SCMH1: variants seen among roughly 807,000 people sequenced by gnomAD.
SCMH1 encodes Scm polycomb group protein homolog 1.
Under a neutral mutation model 70.8 loss-of-function variants are expected in SCMH1, and 37 were observed. The observed-to-expected ratio is 0.52, with a 90% CI of 0.40 to 0.69. The LOEUF (loss-of-function observed/expected upper bound fraction) is 0.69. Among genes scored for constraint, SCMH1 ranks in the 30% least tolerant of loss-of-function variants. SCMH1 has a pLI of 0.00. For synonymous variants in SCMH1, 292 were observed against 307.4 expected (o/e 0.95, Z 0.52); for missense variants, 607 against 827.3 (o/e 0.73, Z 3.27).
intron 5 of SCMH1, among the ~76,000 whole-genome samples, chr1:41,151,402 G>C (rs1453973871): frequency 6.6e-6 from 1 of 152,186 alleles, no homozygotes; most frequent in Non-Finnish European, 1.5e-5. Flanking sequence ...AAGGAGGCAA[G>C]GGTGTTACTT....
chr1:41,129,904 A>G (rs976250399), intron 6 of SCMH1, among the ~76,000 whole-genome samples: 2 of 152,166 alleles, frequency 1.3e-5, no homozygotes, highest in Admixed American at 6.5e-5. Context: ...CTACAGGTGC[A>G]TGATATTTTT....
chr1:41,188,832 A>G (rs74069095), intron 1 of SCMH1, among the ~76,000 whole-genome samples: 1,960 of 152,336 alleles, frequency 0.013, 41 homozygotes, highest in African/African-American at 0.045. Flanking sequence ...AGTGTTTACT[A>G]CATGCCAGAT....
chr1:41,145,590 A>G (rs1016736414), intron 5 of SCMH1, among the ~76,000 whole-genome samples: 1 of 152,152 alleles, frequency 6.6e-6, no homozygotes, highest in Non-Finnish European at 1.5e-5. Context: ...TTTCTGCAAA[A>G]AAGGCAGCTG....
chr1:41,178,884 C>T (rs1572869308), intron 2 of SCMH1, among the ~76,000 whole-genome samples: 4 of 152,194 alleles, frequency 2.6e-5, no homozygotes, highest in Admixed American at 2.0e-4. Flanking sequence ...ACCAAGCAGA[C>T]CTAACAGACA....
chr1:41,102,846 C>T (rs1455690125), intron 8 of SCMH1, among the ~76,000 whole-genome samples: 1 of 152,134 alleles, frequency 6.6e-6, no homozygotes, highest in Non-Finnish European at 1.5e-5. Flanking sequence ...GGTGAGAAAG[C>T]ACCTGCTAGT....
At position 41,204,025 on chromosome 1, in the gene SCMH1, G is replaced by T. The variant is rs574422205; in HGVS notation, c.-117-17775C>A. ...CGACCGAGCTGGTCTCAGCAATGTT[G>T]TTCAATTTTCACTAGTCTATAAGGC... On this transcript the variant is annotated intron_variant, in intron 1 of 14. Coordinates refer to ENST00000337495, the Ensembl canonical transcript of SCMH1. 5.9e-5 allele frequency among the ~76,000 whole-genome samples: 9 copies of T among 152,230 alleles called. No individual in the cohort carries two copies. In the South Asian group the frequency reaches 1.9e-3, roughly 32 times the overall value.
chr1:41,201,008 G>A (rs2148723039), intron 1 of SCMH1, among the ~76,000 whole-genome samples: 1 of 152,240 alleles, frequency 6.6e-6, no homozygotes, highest in South Asian at 2.1e-4. Context: ...GAGATCTCAA[G>A]ATCAACTTTA....
At chr1:41,066,186 G>C (rs1033139635) in intron 10 of SCMH1, among the ~76,000 whole-genome samples, 1 of 152,202 alleles carries the variant, frequency 6.6e-6, no homozygotes, top group Non-Finnish European at 1.5e-5. Context: ...TTATGGCTCA[G>C]AAAGGGTGTG....
chr1:41,182,141 T>C (rs969630317), intron 2 of SCMH1, among the ~76,000 whole-genome samples: 2 of 151,984 alleles, frequency 1.3e-5, no homozygotes, highest in Admixed American at 6.6e-5. Context: ...TAGGTGGGAA[T>C]TGAACAATGA....
intron 2 of SCMH1, among the ~76,000 whole-genome samples, chr1:41,183,173 A>C (rs531583946): frequency 1.3e-5 from 2 of 152,330 alleles, no homozygotes; most frequent in South Asian, 4.1e-4. Context: ...TATCTCTAAA[A>C]TAACCATCTC....
rs138851636 is a variant in SCMH1 at position 41,177,466 on chromosome 1, C to T, written c.13+8655G>A. Among the ~76,000 whole-genome samples, 939 of 152,094 alleles carry T rather than the reference C, an allele frequency of 6.2e-3. 6 individuals are homozygous for T. Among genetic ancestry groups the T allele is most frequent in the African/African-American group, 0.021 (876 of 41,486 alleles). Reference sequence around the variant, plus strand: ...CGAGCTAAAGGAGGAAGTTCGAACCCATGGCAAAGAAGCTAAAAACCTTGA... The same window carrying T: ...CGAGCTAAAGGAGGAAGTTCGAACCTATGGCAAAGAAGCTAAAAACCTTGA... On this transcript the variant is annotated intron_variant, in intron 2 of 14. Transcript: ENST00000337495.
intron 1 of SCMH1, among the ~76,000 whole-genome samples, chr1:41,234,453 CTTTTTTTTTTTT>C (rs66686109): frequency 1.4e-4 from 7 of 49,420 alleles, no homozygotes; most frequent in African/African-American, 5.4e-4. Context: ...AACTCTGCCT[CTTTTTTTTTTTT>C]TTTTTTTTTT....
At chr1:41,215,506 T>G (rs1173850273) in intron 1 of SCMH1, among the ~76,000 whole-genome samples, 1 of 152,144 alleles carries the variant, frequency 6.6e-6, no homozygotes, top group African/African-American at 2.4e-5. Context: ...GCTGACAATC[T>G]TCTCTTTACC....
At chr1:41,117,287 C>G (rs1462062783) in intron 6 of SCMH1, among the ~76,000 whole-genome samples, 1 of 152,016 alleles carries the variant, frequency 6.6e-6, no homozygotes, top group Non-Finnish European at 1.5e-5. Context: ...CCAGGCCATA[C>G]AGAGATAGGA....
intron 6 of SCMH1, among the ~76,000 whole-genome samples, chr1:41,140,682 C>A (rs1643976370): frequency 6.6e-6 from 1 of 152,114 alleles, no homozygotes; most frequent in South Asian, 2.1e-4. Context: ...CTCTAGTGTT[C>A]TGATTATGGT....
intron 8 of SCMH1, among the ~76,000 whole-genome samples, chr1:41,084,381 C>G (rs1473782806): frequency 6.6e-6 from 1 of 152,182 alleles, no homozygotes; most frequent in African/African-American, 2.4e-5. Flanking sequence ...AAAAAATGCT[C>G]ACCATCACTG....
chr1:41,047,320 CAAAG>C (rs1412257954), intron 11 of SCMH1, among the ~76,000 whole-genome samples: 2 of 150,080 alleles, frequency 1.3e-5, no homozygotes, highest in Admixed American at 6.7e-5. Context: ...TACACAGAAA[CAAAG>C]AAGAGACCAG....
At chr1:41,102,304 T>C (rs1316256998) in intron 8 of SCMH1, among the ~76,000 whole-genome samples, 2 of 152,240 alleles carry the variant, frequency 1.3e-5, no homozygotes, top group Non-Finnish European at 2.9e-5. Flanking sequence ...CAGTAGTGTA[T>C]CATTGGCCTT....
At chr1:41,162,270 G>A (rs753603325) in intron 2 of SCMH1, among the ~76,000 whole-genome samples, 6 of 152,120 alleles carry the variant, frequency 3.9e-5, no homozygotes, top group Non-Finnish European at 7.4e-5. Context: ...CACCTGTTCT[G>A]ATCTTGGAGC....
Sources: gnomAD v4.1 joint callset for allele counts (sites outside exome capture counted in the v4.1 genomes callset) on GRCh38, gnomAD v4.1.1 for gene constraint, MANE v1.5 for transcripts, NCBI Gene and HGNC (gene_info 2026-07-23, HGNC 2026-07-21) for gene names.